ASB2: variants seen among roughly 807,000 people sequenced by gnomAD.
The protein encoded by ASB2 is ankyrin repeat and SOCS box protein 2.
In ASB2, 58 loss-of-function variants were observed where a neutral mutation model predicts 62.4. The ratio of observed to expected loss-of-function variants is 0.93; its 90% CI spans 0.75 to 1.16. The LOEUF is 1.16. ASB2 is among the 50% of genes most tolerant of loss of function. The pLI is 0.00. For synonymous variants in ASB2, 386 were observed against 385.3 expected (o/e 1.00, Z -0.02); for missense variants, 928 against 887.9 (o/e 1.05, Z -0.57).
chr14:93,954,300 C>A lies in ASB2; in HGVS notation c.478+17G>T. 2 of 1,609,030 alleles carry A rather than the reference C, an allele frequency of 1.2e-6. No individual in the cohort carries two copies. Among genetic ancestry groups the A allele is most frequent in the South Asian group, 2.2e-5 (2 of 90,980 alleles). On this transcript the variant is annotated intron_variant, in intron 4 of 9. Transcript: ENST00000555019. Reference sequence around the variant, plus strand: ...TCCCTTTCCCACCTCTTGCCACCGTCAGAGCCCAGCCCTCACCTCGCTGCA... The same window carrying A: ...TCCCTTTCCCACCTCTTGCCACCGTAAGAGCCCAGCCCTCACCTCGCTGCA...
At chr14:93,960,757 A>G (rs772694424) in intron 2 of ASB2, among the ~76,000 whole-genome samples, 5 of 152,192 alleles carry the variant, frequency 3.3e-5, no homozygotes, top group Non-Finnish European at 5.9e-5. Context: ...GGTTTTTAAC[A>G]GAATTCTGTT....
intron 9 of ASB2, 110 bp from the exon 10 acceptor site, chr14:93,934,902 G>T: frequency 1.2e-6 from 1 of 866,500 alleles, no homozygotes; most frequent in Non-Finnish European, 1.9e-6. Context: ...GGCTGGGTAA[G>T]AGAGGGAGTG....
intron 1 of ASB2, among the ~76,000 whole-genome samples, chr14:93,972,722 G>C (rs142719631): frequency 1.4e-3 from 207 of 152,300 alleles, no homozygotes; most frequent in Admixed American, 1.6e-3. Context: ...GGTAAGGAAG[G>C]GGGGATGGAA....
intron 6 of ASB2, among the ~76,000 whole-genome samples, chr14:93,947,887 G>A (rs1171815839): frequency 1.3e-5 from 2 of 151,622 alleles, no homozygotes; most frequent in South Asian, 2.1e-4. Context: ...CCAGCTACTC[G>A]GGAGGCTGAG....
chr14:93,964,395 C>G lies in ASB2; in HGVS notation c.145G>C (p.Ala49Pro), dbSNP rs1486595162. Reference protein sequence around the residue: ...LADKTRGPTTAEATASACTNR... With the variant: ...LADKTRGPTTPEATASACTNR... ...GTACATGCAGACGCGGTGGCCTCAG[C>G]AGTGGTTGGGCCCCTTGTCTTGTCC... The change falls in exon 2 of 10, where the codon GCT becomes CCT. Residue 49 changes from alanine to proline, a missense_variant. Physicochemically the swap from Ala to Pro is conservative, Grantham distance 27 (BLOSUM62 -1). Transcript: ENST00000555019. 6.5e-7 allele frequency: 1 copy of G among 1,536,130 alleles called. No individual in the cohort carries two copies.
intron 2 of ASB2, among the ~76,000 whole-genome samples, chr14:93,962,363 A>G (rs1277627159): frequency 1.3e-5 from 2 of 152,100 alleles, no homozygotes; most frequent in African/African-American, 4.8e-5. Context: ...ATCCGCCTAA[A>G]CATTCTATCT....
At chr14:93,949,918 C>T (rs1015650183) in intron 6 of ASB2, among the ~76,000 whole-genome samples, 2 of 152,154 alleles carry the variant, frequency 1.3e-5, no homozygotes, top group African/African-American at 2.4e-5. Context: ...CCCCACTGCT[C>T]AGGCGCGTGC....
intron 2 of ASB2, among the ~76,000 whole-genome samples, chr14:93,959,710 A>G (rs530328450): frequency 2.8e-4 from 42 of 151,918 alleles, no homozygotes; most frequent in Non-Finnish European, 5.4e-4. Flanking sequence ...CCAGCTTGTC[A>G]TGAATTCAGG....
At chr14:93,975,203 G>A (rs986700157) in intron 1 of ASB2, among the ~76,000 whole-genome samples, 13 of 152,248 alleles carry the variant, frequency 8.5e-5, no homozygotes. Context: ...CTCGCCTCAC[G>A]AAACAAGCTT....
At chr14:93,974,102 A>G (rs898906496) in intron 1 of ASB2, 1 of 151,922 alleles carries the variant, frequency 6.6e-6, no homozygotes, top group Admixed American at 6.6e-5. Flanking sequence ...TCTCACCCAA[A>G]TCGGCGAGGT....
chr14:93,975,992 C>T (rs112643934), intron 1 of ASB2, among the ~76,000 whole-genome samples: 42 of 152,312 alleles, frequency 2.8e-4, no homozygotes, highest in African/African-American at 1.0e-3. Flanking sequence ...CCCACAATAC[C>T]GTGCATGCCT....
intron 7 of ASB2, chr14:93,942,156 G>C (rs899674141): frequency 2.4e-5 from 11 of 455,392 alleles, no homozygotes; most frequent in Non-Finnish European, 4.4e-5. Flanking sequence ...AGGACAAGGG[G>C]GTGACCCCAC....
intron 7 of ASB2, 127 bp from the exon 8 acceptor site, chr14:93,939,799 G>C: frequency 1.4e-6 from 1 of 720,828 alleles, no homozygotes; most frequent in Non-Finnish European, 2.0e-6. Context: ...GCTGCGACGC[G>C]GATCCCACCG....
intron 1 of ASB2, among the ~76,000 whole-genome samples, chr14:93,967,374 C>A (rs1432853961): frequency 3.3e-5 from 5 of 152,184 alleles, no homozygotes; most frequent in Non-Finnish European, 7.3e-5. Context: ...CTTTACATAC[C>A]CCACCGCCTG....
intron 7 of ASB2, among the ~76,000 whole-genome samples, chr14:93,943,042 A>G (rs1343017604): frequency 6.6e-6 from 1 of 152,146 alleles, no homozygotes; most frequent in Non-Finnish European, 1.5e-5. Flanking sequence ...TCCTAGCATG[A>G]CCCTCAGAGC....
chr14:93,944,429 C>A (rs1224683284), intron 7 of ASB2, among the ~76,000 whole-genome samples: 2 of 152,258 alleles, frequency 1.3e-5, no homozygotes, highest in African/African-American at 4.8e-5. Flanking sequence ...GAGAAGACAC[C>A]ATCTGGCAAA....
At chr14:93,972,858 T>C (rs529826413) in intron 1 of ASB2, among the ~76,000 whole-genome samples, 1 of 152,330 alleles carries the variant, frequency 6.6e-6, no homozygotes, top group East Asian at 1.9e-4. Context: ...GCCTCACAGC[T>C]GCTAGGAGTT....
Position 93,964,507 on chromosome 14 carries a change from C to G in ASB2, c.33G>C (p.Gln11His). The G allele has an allele frequency of 6.5e-7, 1 of 1,536,140 alleles. No homozygotes were observed. The highest frequency in any genetic ancestry group is 8.7e-7 in the Non-Finnish European group (1 of 1,146,902). ...TGTACTCCTCCTGCCCAATGGTACA[C>G]TGGCTGCCCCGAGTGCTGATCTGCG... MATQISTRGSQCTIGQEEYSL... is the reference protein window; with the variant it reads MATQISTRGSHCTIGQEEYSL... The change falls in exon 2 of 10, where the codon CAG becomes CAC. Residue 11 changes from glutamine to histidine, a missense_variant. By Grantham distance (24) the Gln-to-His change is conservative. Coordinates refer to ENST00000555019, the MANE Select transcript of ASB2 (RefSeq NM_001202429.2).
At chr14:93,936,186 G>C (rs1453619723) in intron 9 of ASB2, among the ~76,000 whole-genome samples, 4 of 152,244 alleles carry the variant, frequency 2.6e-5, no homozygotes. Context: ...TTCCTTCCCA[G>C]AATAAGGATG....
Sources: gnomAD v4.1 joint callset for allele counts (sites outside exome capture counted in the v4.1 genomes callset) on GRCh38, gnomAD v4.1.1 for gene constraint, MANE v1.5 for transcripts, NCBI Gene and HGNC (gene_info 2026-07-23, HGNC 2026-07-21) for gene names.